The following PHACTR3 variants were observed in gnomAD, a reference collection of about 807,000 sequenced individuals.
PHACTR3 encodes protein phosphatase 1, regulatory subunit 123.
In PHACTR3, 16 loss-of-function variants were observed where a neutral mutation model predicts 66.8. The ratio of observed to expected loss-of-function variants is 0.24; its 90% CI spans 0.16 to 0.36. PHACTR3 has a LOEUF of 0.36. Ranked by LOEUF, PHACTR3 falls within the 10% of genes least tolerant of loss-of-function variation. PHACTR3 has a pLI of 1.00. For synonymous variants in PHACTR3, 323 were observed against 292.1 expected, an observed-to-expected ratio of 1.11 and a Z score of -1.08; for missense variants, 647 against 719.9, an observed-to-expected ratio of 0.90 and a Z score of 1.16.
intron 5 of PHACTR3, among the ~76,000 whole-genome samples, chr20:59,770,501 G>A (rs993669036): frequency 6.6e-6 from 1 of 152,204 alleles, no homozygotes; most frequent in Non-Finnish European, 1.5e-5. Flanking sequence ...GACTGCAGGT[G>A]TCTTAGTTCA....
upstream of PHACTR3, among the ~76,000 whole-genome samples, chr20:59,604,311 G>A (rs979727340): frequency 1.3e-5 from 2 of 152,086 alleles, no homozygotes; most frequent in Admixed American, 6.5e-5. Flanking sequence ...GGGAGGAAAC[G>A]GGACTAGGAA....
At position 59,847,605 on chromosome 20, in the gene PHACTR3, A is replaced by ATACT. The variant is rs1309726663; in HGVS notation, c.*477_*480dup. 6.5e-6 allele frequency: 1 copy of ATACT among 153,100 alleles called. No individual in the cohort carries two copies. The highest frequency in any genetic ancestry group is 2.4e-5 in the African/African-American group (1 of 41,486). 9.5% of individuals were successfully genotyped at this position (153,100 alleles called of 1,614,324 possible). A position where few individuals can be genotyped will look rare whatever the true frequency, so the allele number is the denominator to read the frequency against. On this transcript the variant is annotated 3_prime_UTR_variant, in exon 13 of 13. Transcript: ENST00000371015. ...GTTATACAAGATGATTTACTGTATT[A>ATACT]TACTTTTCCTTTTTTATATAATGTC...
At chr20:59,832,948 C>T (rs2042428639) in intron 8 of PHACTR3, among the ~76,000 whole-genome samples, 1 of 152,218 alleles carries the variant, frequency 6.6e-6, no homozygotes, top group African/African-American at 2.4e-5. Flanking sequence ...TTAGCACCCT[C>T]ACCTGGCAGT....
At chr20:59,845,386 T>C (rs2059130024) in intron 12 of PHACTR3, 121 bp downstream of exon 12, 1 of 639,006 alleles carries the variant, frequency 1.6e-6, no homozygotes, top group Non-Finnish European at 2.8e-6. Flanking sequence ...CAGAGAACTC[T>C]ATTGAACAAA....
At chr20:59,752,232 G>A (rs1234656982) in intron 3 of PHACTR3, among the ~76,000 whole-genome samples, 1 of 152,234 alleles carries the variant, frequency 6.6e-6, no homozygotes, top group Non-Finnish European at 1.5e-5. Flanking sequence ...ACCCACCTGT[G>A]CTTGCACTGT....
chr20:59,750,685 G>A (rs2146800838), intron 3 of PHACTR3, among the ~76,000 whole-genome samples: 1 of 152,276 alleles, frequency 6.6e-6, no homozygotes, highest in Admixed American at 6.5e-5. Flanking sequence ...CGAGTGGGTG[G>A]GATCTGCGAG....
rs2059170165 is a variant in PHACTR3, at chr20:59,847,374, CATAACTCT to C, written c.*247_*254del. Reference sequence around the variant, plus strand: ...ACTGTTGGGGTCAGTTAAGACCCAACATAACTCTATCAGAAGAAAACTGTTGTTTGCCT... The same window carrying C: ...ACTGTTGGGGTCAGTTAAGACCCAACATCAGAAGAAAACTGTTGTTTGCCT... On this transcript the variant is annotated 3_prime_UTR_variant, in exon 13 of 13. Transcript: ENST00000371015. The C allele has an allele frequency of 2.6e-5, 10 of 378,050 alleles. No homozygotes were observed. The highest frequency in any genetic ancestry group is 3.9e-5 in the Non-Finnish European group (8 of 204,210). 23.4% of individuals were successfully genotyped at this position (378,050 alleles called of 1,614,324 possible). A position where few individuals can be genotyped will look rare whatever the true frequency, so the allele number is the denominator to read the frequency against.
intron 8 of PHACTR3, among the ~76,000 whole-genome samples, chr20:59,811,299 A>G (rs1466325648): frequency 6.6e-6 from 1 of 152,176 alleles, no homozygotes; most frequent in African/African-American, 2.4e-5. Flanking sequence ...TGATCAGGGT[A>G]TCAGCTGGCA....
intron 3 of PHACTR3, among the ~76,000 whole-genome samples, chr20:59,748,986 G>C (rs1220266704): frequency 1.3e-5 from 2 of 152,210 alleles, no homozygotes; most frequent in African/African-American, 4.8e-5. Flanking sequence ...GACTCGAAGA[G>C]TGAAGTATTT....
chr20:59,656,040 T>C (rs2035610607), intron 1 of PHACTR3, among the ~76,000 whole-genome samples: 1 of 151,922 alleles, frequency 6.6e-6, no homozygotes, highest in South Asian at 2.1e-4. Flanking sequence ...TTTGAATTTA[T>C]TGTGGTTTGT....
intron 1 of PHACTR3, among the ~76,000 whole-genome samples, chr20:59,641,203 T>A (rs546664956): frequency 2.0e-5 from 3 of 152,186 alleles, no homozygotes; most frequent in Non-Finnish European, 4.4e-5. Context: ...GTATCTATCA[T>A]CTATCCATTC....
chr20:59,774,418 A>G lies in PHACTR3; in HGVS notation c.1102A>G (p.Ile368Val). ...TGAGGAGAACAAGGAGAACCTGATC[A>G]TAAATTCTGAACTCAAAGACGACTT... ...ESEENKENLI[I>V]NSELKDDLLL... Residue 368 changes from isoleucine (I) to valine (V), a missense_variant, in exon 7 of 13, where the codon ATA (isoleucine) becomes GTA (valine). Transcript: ENST00000371015. 2.5e-6 allele frequency: 4 copies of G among 1,614,170 alleles called. No homozygotes were observed. The highest frequency in any genetic ancestry group is 2.5e-6 in the Non-Finnish European group (3 of 1,179,990).
Position 59,604,615 on chromosome 20 carries a change from GA to G in PHACTR3, c.-399del. 4.2e-6 allele frequency: 1 copy of G among 239,780 alleles called. No individual in the cohort carries two copies. Among genetic ancestry groups the G allele is most frequent in the Non-Finnish European group, 6.5e-6 (1 of 153,782 alleles). 14.9% of individuals were successfully genotyped at this position (239,780 alleles called of 1,614,324 possible). On this transcript the variant is annotated 5_prime_UTR_variant, in exon 1 of 13. Coordinates refer to ENST00000371015, the MANE Select transcript of PHACTR3 (RefSeq NM_080672.5). The stretch of plus-strand genomic sequence containing the variant: ...GGGGGGGTGGGGGGTGGGGTGGGGG[GA>G]GGGAGCGCCCCCAGACATTCCAGGA...
chr20:59,844,387 T>A (rs2059115847), intron 11 of PHACTR3: 1 of 152,066 alleles, frequency 6.6e-6, no homozygotes, highest in Admixed American at 6.6e-5. Flanking sequence ...TTATTAACAA[T>A]AGCCAAGATA....
intron 7 of PHACTR3, among the ~76,000 whole-genome samples, chr20:59,775,680 T>A (rs764034435): frequency 1.3e-5 from 2 of 152,170 alleles, no homozygotes; most frequent in African/African-American, 2.4e-5. Flanking sequence ...GTCACTGGCC[T>A]GAGGGCACCA....
intron 1 of PHACTR3, among the ~76,000 whole-genome samples, chr20:59,740,334 G>GTC (rs1191397716): frequency 1.3e-4 from 20 of 151,818 alleles, no homozygotes; most frequent in African/African-American, 2.7e-4. Flanking sequence ...TAGAGACAGG[G>GTC]TCTCTCTCTC....
intron 4 of PHACTR3, among the ~76,000 whole-genome samples, chr20:59,763,699 G>C (rs1450966441): frequency 6.6e-6 from 1 of 152,216 alleles, no homozygotes; most frequent in Non-Finnish European, 1.5e-5. Context: ...GAGAAGGTTA[G>C]ACAGGGAAGA....
At chr20:59,681,291 T>G (rs895360508) in intron 1 of PHACTR3, among the ~76,000 whole-genome samples, 2 of 152,232 alleles carry the variant, frequency 1.3e-5, no homozygotes, top group Non-Finnish European at 2.9e-5. Context: ...TGTGCATACA[T>G]ACTCATACTA....
intron 8 of PHACTR3, among the ~76,000 whole-genome samples, chr20:59,828,241 C>A (rs1208380415): frequency 1.3e-5 from 2 of 152,140 alleles, no homozygotes; most frequent in South Asian, 4.1e-4. Context: ...GGGGAGGGAA[C>A]CTTGCTTTGT....
Sources: gnomAD v4.1 joint callset for allele counts (sites outside exome capture counted in the v4.1 genomes callset) on GRCh38, gnomAD v4.1.1 for gene constraint, MANE v1.5 for transcripts, NCBI Gene and HGNC (gene_info 2026-07-23, HGNC 2026-07-21) for gene names.